Variants in RASGRF2 observed in about 807,000 individuals in gnomAD.
RASGRF2 encodes the protein ras-specific guanine nucleotide-releasing factor 2.
In RASGRF2, 76 loss-of-function variants were observed where a neutral mutation model predicts 151.0. The ratio of observed to expected loss-of-function variants is 0.50; its 90% CI spans 0.42 to 0.61. RASGRF2 has a LOEUF of 0.61. RASGRF2 is among the 20% of genes least tolerant of loss of function. The probability of loss-of-function intolerance (pLI) is 0.00; values close to 1 mark genes in which losing one functional copy is unlikely to be tolerated. For missense variants in RASGRF2, 1,148 were observed against 1,564.6 expected (o/e 0.73, Z 4.49); for synonymous variants, 504 against 566.5 (o/e 0.89, Z 1.57).
Position 81,064,825 on chromosome 5 carries a change from G to A in RASGRF2, c.396-3207G>A, listed in dbSNP as rs77998540. Among the ~76,000 whole-genome samples the A allele has an allele frequency of 3.3e-5, 5 of 152,298 alleles. No homozygotes were observed. The East Asian group carries it at 9.6e-4, about 29-fold the overall frequency. ...ACCCACTAAAATATGGAAACATGAT[G>A]GGATAGTGACGTCCTTGATTAGGTT... On this transcript the variant is annotated intron_variant, in intron 2 of 26. Coordinates refer to ENST00000265080, the MANE Select transcript of RASGRF2 (RefSeq NM_006909.3).
chr5:81,177,562 C>T (rs1030899394), intron 17 of RASGRF2, among the ~76,000 whole-genome samples: 1 of 151,226 alleles, frequency 6.6e-6, no homozygotes, highest in Non-Finnish European at 1.5e-5. Flanking sequence ...ATATTGTATA[C>T]AGCTTCTGCT....
chr5:81,060,582 AT>A (rs893968478), intron 2 of RASGRF2, among the ~76,000 whole-genome samples: 81 of 152,192 alleles, frequency 5.3e-4, no homozygotes, highest in African/African-American at 1.8e-3. Context: ...AAAGACACAG[AT>A]TTTTTTCCTA....
At chr5:80,973,684 T>C (rs1049913208) in intron 1 of RASGRF2, among the ~76,000 whole-genome samples, 1 of 152,204 alleles carries the variant, frequency 6.6e-6, no homozygotes, top group Non-Finnish European at 1.5e-5. Flanking sequence ...CAGGTCTCTA[T>C]GATACTCCAT....
At chr5:81,179,734 T>C (rs540156480) in intron 17 of RASGRF2, among the ~76,000 whole-genome samples, 134 of 152,206 alleles carry the variant, frequency 8.8e-4, no homozygotes, top group Non-Finnish European at 1.1e-3. Flanking sequence ...CAGTAAAGTG[T>C]TTGAATCATC....
At position 81,178,799 on chromosome 5, in the gene RASGRF2, C is replaced by T. The variant is rs531265111; in HGVS notation, c.2687-1376C>T. ...TGTCGCCCATGCTGGAGTGCAGTGGCGCCGTCTTGGCTCACTGCAAGCTCC... is the reference window on the plus strand; with the variant it reads ...TGTCGCCCATGCTGGAGTGCAGTGGTGCCGTCTTGGCTCACTGCAAGCTCC... On this transcript the variant is annotated intron_variant, in intron 17 of 26. Transcript: ENST00000265080. Among the ~76,000 whole-genome samples, 4 of 151,986 alleles carry T rather than the reference C, an allele frequency of 2.6e-5. No individual in the cohort carries two copies. The South Asian group carries it at 8.3e-4, about 32-fold the overall frequency.
intron 16 of RASGRF2, among the ~76,000 whole-genome samples, chr5:81,125,181 C>G (rs1753419454): frequency 6.6e-6 from 1 of 152,144 alleles, no homozygotes. Flanking sequence ...GCCACTGCGC[C>G]CAGCCTATAA....
intron 17 of RASGRF2, among the ~76,000 whole-genome samples, chr5:81,128,486 C>T (rs552752691): frequency 2.6e-5 from 4 of 152,200 alleles, no homozygotes; most frequent in African/African-American, 9.6e-5. Context: ...CTGAGAAACT[C>T]TTTATCAGAG....
chr5:81,070,461 A>T (rs770302570), intron 3 of RASGRF2, 31 bp from the exon 4 acceptor site: 25 of 1,534,256 alleles, frequency 1.6e-5, no homozygotes, highest in Non-Finnish European at 2.0e-5. Context: ...GCATTTCCCA[A>T]ATCATGAAAT....
chr5:81,112,962 G>C (rs901408410), intron 14 of RASGRF2, 104 bp downstream of exon 14: 2 of 1,442,452 alleles, frequency 1.4e-6, no homozygotes, highest in Admixed American at 4.0e-5. Flanking sequence ...AGCTCCTAGG[G>C]TGTACTAGCT....
chr5:81,121,574 C>A (rs999742656), intron 15 of RASGRF2, among the ~76,000 whole-genome samples: 1 of 152,172 alleles, frequency 6.6e-6, no homozygotes, highest in African/African-American at 2.4e-5. Context: ...ATGAGTGAGG[C>A]AATGAACTTA....
chr5:81,168,649 C>T (rs1163546481), intron 17 of RASGRF2, among the ~76,000 whole-genome samples: 1 of 152,110 alleles, frequency 6.6e-6, no homozygotes, highest in African/African-American at 2.4e-5. Flanking sequence ...AGCTATGGCT[C>T]CCTTCCTCTG....
intron 7 of RASGRF2, 99 bp downstream of exon 7, chr5:81,080,888 G>A: frequency 9.1e-7 from 1 of 1,097,718 alleles, no homozygotes; most frequent in Non-Finnish European, 1.3e-6. Flanking sequence ...TGCCCTGGGA[G>A]GAATTATGGC....
chr5:81,217,744 ATT>A (rs201096563), intron 25 of RASGRF2, among the ~76,000 whole-genome samples: 19 of 128,996 alleles, frequency 1.5e-4, no homozygotes, highest in African/African-American at 2.6e-4. Context: ...TGCCCAGCTA[ATT>A]TTTTTTTTTT....
At chr5:81,204,707 T>C (rs370551482) in intron 19 of RASGRF2, among the ~76,000 whole-genome samples, 12 of 152,132 alleles carry the variant, frequency 7.9e-5, no homozygotes, top group African/African-American at 2.9e-4. Context: ...TAAAAAGAAA[T>C]AGTGATTAAC....
Position 81,092,705 on chromosome 5 carries a change from T to A in RASGRF2, c.1391-96T>A. Reference sequence around the variant, plus strand: ...GTGTCACATAAATCAATCCCTGGTATTTTGGGAAACAGACCTTAGTGTTTA... The same window carrying A: ...GTGTCACATAAATCAATCCCTGGTAATTTGGGAAACAGACCTTAGTGTTTA... On this transcript the variant is annotated intron_variant, in intron 9 of 26. Transcript: ENST00000265080. The A allele has an allele frequency of 8.7e-6, 10 of 1,147,146 alleles. 1 individual carries two copies. The highest frequency in any genetic ancestry group is 1.3e-5 in the Non-Finnish European group (10 of 797,020). The allele number at this position is 1,147,146 out of a possible 1,614,324, so 71.1% of individuals were successfully genotyped here. A position where few individuals can be genotyped will look rare whatever the true frequency, so the allele number is the denominator to read the frequency against.
chr5:81,093,952 TC>T (rs1277020157), intron 10 of RASGRF2, among the ~76,000 whole-genome samples: 2 of 152,134 alleles, frequency 1.3e-5, no homozygotes, highest in Non-Finnish European at 2.9e-5. Flanking sequence ...ATGACAGCTT[TC>T]TACTGCTTAA....
At chr5:81,055,268 A>G (rs1298139489) in intron 2 of RASGRF2, among the ~76,000 whole-genome samples, 7 of 152,178 alleles carry the variant, frequency 4.6e-5, no homozygotes, top group African/African-American at 1.7e-4. Context: ...TGGGTTTGTC[A>G]TAGATAGCTC....
At chr5:81,078,450 A>G (rs1751998687) in intron 5 of RASGRF2, among the ~76,000 whole-genome samples, 1 of 152,164 alleles carries the variant, frequency 6.6e-6, no homozygotes, top group Non-Finnish European at 1.5e-5. Context: ...CACTACCTCC[A>G]TGAGATTAAC....
intron 1 of RASGRF2, among the ~76,000 whole-genome samples, chr5:81,033,903 A>G (rs1750366770): frequency 6.6e-6 from 1 of 152,248 alleles, no homozygotes; most frequent in African/African-American, 2.4e-5. Flanking sequence ...TACCCATCTG[A>G]CAAATGGCTA....
Sources: allele counts gnomAD v4.1 joint callset (sites outside exome capture counted in the v4.1 genomes callset), GRCh38; gene constraint gnomAD v4.1.1; transcripts MANE v1.5; gene names NCBI Gene and HGNC (gene_info 2026-07-23, HGNC 2026-07-21).